The following RREB1 variants were observed in gnomAD, a reference collection of about 807,000 sequenced individuals.
RREB1 encodes ras-responsive element-binding protein 1.
A neutral mutation model predicts 117.8 loss-of-function variants in RREB1; 27 were observed. The observed-to-expected ratio is 0.23, with a 90% confidence interval of 0.17 to 0.32. RREB1 has a LOEUF of 0.32. Ranked by LOEUF, RREB1 falls within the 10% of genes least tolerant of loss-of-function variation. The pLI, the probability that RREB1 is intolerant of heterozygous loss-of-function variation, is 1.00. For missense variants in RREB1, 2,577 were observed against 2,378.2 expected, an observed-to-expected ratio of 1.08 and a Z score of -1.74; for synonymous variants, 1,298 against 1,026.7, an observed-to-expected ratio of 1.26 and a Z score of -5.05.
chr6:7,173,970 C>T (rs1733123914), intron 1 of RREB1, among the ~76,000 whole-genome samples: 2 of 152,042 alleles, frequency 1.3e-5, no homozygotes, highest in Admixed American at 1.3e-4. Flanking sequence ...TGGGGGCTGG[C>T]CTTTCCCTCC....
At position 7,230,427 on chromosome 6, in the gene RREB1, CGGCCGCGGCCTG is replaced by C. The variant is rs1385398977; in HGVS notation, c.2332_2343del (p.Arg778_Gly781del). ...TGCGCATCCACATGCGCACGCACTG[CGGCCGCGGCCTG>C]GGCGGGGGCCACAAGGGCCGCAAGC... On this transcript the variant is annotated inframe_deletion, in exon 10 of 13. Coordinates refer to ENST00000379938, the MANE Select transcript of RREB1 (RefSeq NM_001003699.4). The C allele has an allele frequency of 6.3e-7, 1 of 1,590,268 alleles. No individual in the cohort carries two copies. Among genetic ancestry groups the C allele is most frequent in the Non-Finnish European group, 8.5e-7 (1 of 1,174,284 alleles).
chr6:7,180,994 C>G, intron 2 of RREB1, 130 bp from the exon 3 acceptor site: 1 of 391,566 alleles, frequency 2.6e-6, no homozygotes, highest in Non-Finnish European at 4.5e-6. Flanking sequence ...GAAAGGCAGA[C>G]ATTGCCTCTC....
At chr6:7,154,601 A>G (rs919039266) in intron 1 of RREB1, among the ~76,000 whole-genome samples, 1 of 152,156 alleles carries the variant, frequency 6.6e-6, no homozygotes, top group Non-Finnish European at 1.5e-5. Flanking sequence ...CAGTCATATG[A>G]TTTCAGTATT....
At chr6:7,112,932 GGGA>G (rs1684621103) in intron 1 of RREB1, among the ~76,000 whole-genome samples, 2 of 152,198 alleles carry the variant, frequency 1.3e-5, no homozygotes, top group African/African-American at 4.8e-5. Context: ...GAAGCGGATG[GGGA>G]GGAGGAGACT....
chr6:7,225,937 C>T (rs1290051397), intron 8 of RREB1, among the ~76,000 whole-genome samples: 1 of 152,184 alleles, frequency 6.6e-6, no homozygotes, highest in Non-Finnish European at 1.5e-5. Flanking sequence ...AATACCACAA[C>T]TTAATGCACA....
intron 6 of RREB1, among the ~76,000 whole-genome samples, chr6:7,210,536 A>G (rs538478125): frequency 1.3e-5 from 2 of 152,336 alleles, no homozygotes; most frequent in Admixed American, 6.5e-5. Flanking sequence ...AGTTTGTTTC[A>G]TCTTGTTAAT....
intron 1 of RREB1, among the ~76,000 whole-genome samples, chr6:7,174,868 C>G (rs1764421884): frequency 6.6e-6 from 1 of 152,196 alleles, no homozygotes; most frequent in Non-Finnish European, 1.5e-5. Flanking sequence ...CTCAGTGTCC[C>G]TAAGTGCTGG....
intron 7 of RREB1, among the ~76,000 whole-genome samples, chr6:7,211,338 AGATGGATGGATGGATGGATGGATGGATG>A (rs555086914): frequency 1.7e-4 from 20 of 118,674 alleles, no homozygotes; most frequent in Non-Finnish European, 2.9e-4. Context: ...ATGGATGGAC[AGATGGATGGATGGATGGATGGATGGATG>A]GATGGATGGA....
intron 6 of RREB1, among the ~76,000 whole-genome samples, chr6:7,194,850 G>A (rs899686390): frequency 1.1e-4 from 17 of 152,172 alleles, no homozygotes; most frequent in African/African-American, 3.6e-4. Context: ...TGAAACCACC[G>A]TAATGACAAT....
At chr6:7,201,223 G>T (rs1248630120) in intron 6 of RREB1, among the ~76,000 whole-genome samples, 2 of 152,100 alleles carry the variant, frequency 1.3e-5, no homozygotes, top group Non-Finnish European at 2.9e-5. Context: ...GTGTGTGTCC[G>T]GTTTAGTTTC....
chr6:7,237,543 C>T (rs1434533741), intron 10 of RREB1, among the ~76,000 whole-genome samples: 3 of 152,116 alleles, frequency 2.0e-5, no homozygotes, highest in South Asian at 2.1e-4. Flanking sequence ...ATGGTTTAAG[C>T]GCTCGCGTTG....
Position 7,248,908 on chromosome 6 carries a change from G to T in RREB1, c.5169G>T (p.Arg1723Ser). 1.3e-6 allele frequency: 2 copies of T among 1,551,734 alleles called. No individual in the cohort carries two copies. Among genetic ancestry groups the T allele is most frequent in the Non-Finnish European group, 1.7e-6 (2 of 1,150,364 alleles). ...GQDLLEPRSK[R>S]PAHPILATAD... ...ACCTGCTGGAGCCGCGCAGCAAGAG[G>T]CCTGCCCACCCAATCCTGGCCACAG... Residue 1723 changes from arginine to serine, a missense_variant, in exon 13 of 13, where the codon AGG becomes AGT. Transcript: ENST00000379938.
At chr6:7,114,550 A>C (rs1160124858) in intron 1 of RREB1, among the ~76,000 whole-genome samples, 2 of 151,972 alleles carry the variant, frequency 1.3e-5, no homozygotes, top group Non-Finnish European at 2.9e-5. Flanking sequence ...CTTGGAGTGC[A>C]CAGAACGACC....
chr6:7,242,709 G>T (rs1448524465), intron 11 of RREB1, among the ~76,000 whole-genome samples: 1 of 145,218 alleles, frequency 6.9e-6, no homozygotes, highest in African/African-American at 2.5e-5. Context: ...AAGGGGGGGG[G>T]GGAAGGAAAT....
At chr6:7,196,026 A>G (rs574039937) in intron 6 of RREB1, among the ~76,000 whole-genome samples, 60 of 152,202 alleles carry the variant, frequency 3.9e-4, no homozygotes, top group African/African-American at 1.4e-3. Context: ...AGCACAGTTG[A>G]CAACTACACA....
intron 10 of RREB1, among the ~76,000 whole-genome samples, chr6:7,233,872 G>T (rs1464111987): frequency 6.6e-6 from 1 of 152,202 alleles, no homozygotes; most frequent in Admixed American, 6.5e-5. Context: ...GTGCAGAATG[G>T]AGCCTGGGGA....
rs1765271459 is a variant in RREB1 at position 7,189,305 on chromosome 6, C to T, written c.408C>T (p.Thr136=). 6.3e-7 allele frequency: 1 copy of T among 1,592,946 alleles called. No homozygotes were observed. Among genetic ancestry groups the T allele is most frequent in the Non-Finnish European group, 8.6e-7 (1 of 1,168,966 alleles). ...KCTVCGQSFT[T]NGNMHRHMKI... is the part of the protein sequence containing the mutation. ...CTGTGTGTGGCCAGTCATTTACCAC[C>T]AATGGGAACATGCACAGGTGGGTGA... Residue 136 remains threonine, a synonymous_variant, in exon 6 of 13, where the codon ACC becomes ACT. Coordinates refer to ENST00000379938, the MANE Select transcript of RREB1 (RefSeq NM_001003699.4).
chr6:7,182,729 CAGAA>C (rs1764874174), intron 4 of RREB1, among the ~76,000 whole-genome samples: 1 of 152,260 alleles, frequency 6.6e-6, no homozygotes, highest in African/African-American at 2.4e-5. Flanking sequence ...TACTGTTGAA[CAGAA>C]AGAAGGAAGG....
In RREB1 at chr6:7,246,794, C is replaced by T. The variant is rs1214854535; in HGVS notation, c.4344C>T (p.Leu1448=). The change falls in exon 12 of 13, where the codon CTC becomes CTT. Residue 1448 remains leucine, a synonymous_variant. Transcript: ENST00000379938. Reference sequence around the variant, plus strand: ...GCGCGGCCTCGCAGGAGCAGAAGCTCGCCTGCGACACCTGTGGGAAGAGCT... The same window carrying T: ...GCGCGGCCTCGCAGGAGCAGAAGCTTGCCTGCGACACCTGTGGGAAGAGCT... The part of the protein sequence containing the change: ...AGGAASQEQK[L]ACDTCGKSFK... 3.9e-6 allele frequency: 6 copies of T among 1,551,742 alleles called. No homozygotes were observed. Among genetic ancestry groups the T allele is most frequent in the East Asian group, 2.4e-5 (1 of 41,288 alleles).
Sources: allele counts gnomAD v4.1 joint callset (sites outside exome capture counted in the v4.1 genomes callset), GRCh38; gene constraint gnomAD v4.1.1; transcripts MANE v1.5; gene names NCBI Gene and HGNC (gene_info 2026-07-23, HGNC 2026-07-21).